The following SLC2A12 variants were observed in gnomAD, a reference collection of about 807,000 sequenced individuals.
The protein encoded by SLC2A12 is solute carrier family 2, facilitated glucose transporter member 12.
SLC2A12 carries 23 observed loss-of-function variants against 41.8 expected under a neutral mutation model. The observed-to-expected ratio is 0.55, with a 90% CI of 0.40 to 0.78. SLC2A12 has a LOEUF of 0.78. Ranked by LOEUF, SLC2A12 falls within the 30% of genes least tolerant of loss-of-function variation. The pLI is 0.00. For missense variants in SLC2A12, 654 were observed against 745.6 expected (o/e 0.88, Z 1.43); for synonymous variants, 295 against 285.9 (o/e 1.03, Z -0.32).
intron 2 of SLC2A12, among the ~76,000 whole-genome samples, chr6:134,013,158 G>C (rs1304761519): frequency 6.6e-6 from 1 of 152,094 alleles, no homozygotes; most frequent in Non-Finnish European, 1.5e-5. Flanking sequence ...GGGCATGGTG[G>C]CTCATGCCTG....
chr6:134,025,541 T>C (rs768860023), intron 2 of SLC2A12, among the ~76,000 whole-genome samples: 3 of 152,154 alleles, frequency 2.0e-5, no homozygotes, highest in African/African-American at 7.2e-5. Flanking sequence ...GCCGACAGAA[T>C]GTTTTCTCTT....
At position 134,029,330 on chromosome 6, in the gene SLC2A12, G is replaced by C. The variant is rs369678921; in HGVS notation, c.495C>G (p.Gly165=). ...TCAGCTCATTCAGTGACACAAGAAG[G>C]CCTCTTCTGTGTTGAGGAGCAATCT... is the stretch of plus-strand genomic sequence containing the variant. ...IAEIAPQHRR[G]LLVSLNELMI... is the part of the protein sequence containing the mutation. The change falls in exon 2 of 5, where the codon GGC becomes GGG. Residue 165 remains glycine, a synonymous_variant. Coordinates refer to ENST00000275230, the MANE Select transcript of SLC2A12 (RefSeq NM_145176.3). 7.9e-5 allele frequency: 128 copies of C among 1,614,052 alleles called. No individual in the cohort carries two copies. Among genetic ancestry groups the C allele is most frequent in the Non-Finnish European group, 9.7e-5 (114 of 1,180,040 alleles).
In SLC2A12 at chr6:134,028,281, T is replaced by C. The variant is rs113990749; in HGVS notation, c.1444+100A>G. The C allele has an allele frequency of 4.3e-5, 62 of 1,441,572 alleles. No individual in the cohort carries two copies. In the African/African-American group the frequency reaches 4.8e-4, roughly 11 times the overall value. The allele number at this position is 1,441,572 out of a possible 1,614,324, so 89.3% of individuals were successfully genotyped here. ...TAGAAGGAACATCAGATGACCAATG[T>C]TATCCTTGTCTTCCTTCTAGCACTT... On this transcript the variant is annotated intron_variant, in intron 2 of 4. Coordinates refer to ENST00000275230, the MANE Select transcript of SLC2A12 (RefSeq NM_145176.3).
chr6:134,032,440 A>ATT (rs1213235814), intron 1 of SLC2A12, among the ~76,000 whole-genome samples: 1 of 38,508 alleles, frequency 2.6e-5, no homozygotes, highest in African/African-American at 1.1e-4. Flanking sequence ...ATATATATAT[A>ATT]TATATATAAA....
intron 4 of SLC2A12, among the ~76,000 whole-genome samples, chr6:133,994,561 A>G (rs1329447376): frequency 6.6e-6 from 1 of 152,124 alleles, no homozygotes; most frequent in African/African-American, 2.4e-5. Context: ...CCCCGTCTCT[A>G]CTAAAAATAC....
chr6:134,008,077 G>A (rs1256007315), intron 2 of SLC2A12, among the ~76,000 whole-genome samples: 1 of 152,224 alleles, frequency 6.6e-6, no homozygotes, highest in Non-Finnish European at 1.5e-5. Flanking sequence ...GATTCACTGT[G>A]TTTCAGAAGA....
At chr6:134,011,763 CA>C (rs1408350152) in intron 2 of SLC2A12, among the ~76,000 whole-genome samples, 3 of 151,920 alleles carry the variant, frequency 2.0e-5, no homozygotes, top group Non-Finnish European at 4.4e-5. Flanking sequence ...AAAAATAGGC[CA>C]GGGGCAGTGG....
At chr6:134,020,024 C>CA (rs550748968) in intron 2 of SLC2A12, among the ~76,000 whole-genome samples, 20,254 of 79,772 alleles carry the variant, frequency 0.25, 1,985 homozygotes, top group South Asian at 0.39. Flanking sequence ...GATTCCATCT[C>CA]AAAAAAAAAA....
chr6:134,034,505 A>G (rs1456643247), intron 1 of SLC2A12, among the ~76,000 whole-genome samples: 1 of 152,214 alleles, frequency 6.6e-6, no homozygotes, highest in East Asian at 1.9e-4. Context: ...CTTCCATCAC[A>G]GGAAGTTTTC....
At chr6:134,031,761 A>G (rs915525960) in intron 1 of SLC2A12, among the ~76,000 whole-genome samples, 6 of 152,210 alleles carry the variant, frequency 3.9e-5, no homozygotes, top group African/African-American at 1.4e-4. Flanking sequence ...AATGTTAAGT[A>G]GGGGATTGGG....
At chr6:134,015,520 A>C (rs1443763943) in intron 2 of SLC2A12, among the ~76,000 whole-genome samples, 1 of 152,224 alleles carries the variant, frequency 6.6e-6, no homozygotes, top group African/African-American at 2.4e-5. Flanking sequence ...TCCTGTTCAA[A>C]AAATAACAAT....
chr6:134,001,757 A>G lies in SLC2A12; in HGVS notation c.1700+240T>C, dbSNP rs75875273. 7.5e-5 allele frequency among the ~76,000 whole-genome samples: 10 copies of G among 132,492 alleles called. No homozygotes were observed. The East Asian group carries it at 1.2e-3, about 16-fold the overall frequency. The allele number at this position is 132,492 out of a possible 152,430, so 86.9% of individuals were successfully genotyped here. ...TCAAATACATTCACTTTGTAGTTTG[A>G]AAAAAAAAAAAAAAGCTTCATTCAT... On this transcript the variant is annotated intron_variant, in intron 4 of 4. Coordinates refer to ENST00000275230, the MANE Select transcript of SLC2A12 (RefSeq NM_145176.3).
chr6:134,012,946 G>A (rs921908101), intron 2 of SLC2A12, among the ~76,000 whole-genome samples: 2 of 152,124 alleles, frequency 1.3e-5, no homozygotes, highest in African/African-American at 2.4e-5. Context: ...TTACACTCCA[G>A]CCTAGGCAAC....
intron 1 of SLC2A12, among the ~76,000 whole-genome samples, chr6:134,036,100 C>T (rs531103241): frequency 5.3e-5 from 8 of 152,294 alleles, no homozygotes; most frequent in South Asian, 4.1e-4. Context: ...ATAATGGGCA[C>T]GCAATAAACA....
chr6:133,992,123 A>G (rs1046858334), intron 4 of SLC2A12, among the ~76,000 whole-genome samples: 1 of 152,314 alleles, frequency 6.6e-6, no homozygotes. Context: ...AACGGTTGGT[A>G]TCTGGAGGGA....
chr6:134,001,916 G>T (rs1345698903), intron 4 of SLC2A12, 81 bp downstream of exon 4: 60 of 1,430,224 alleles, frequency 4.2e-5, no homozygotes, highest in Non-Finnish European at 5.4e-5. Context: ...AATAATTTCA[G>T]ATATTATTCC....
chr6:134,008,401 T>C (rs981559944), intron 2 of SLC2A12, among the ~76,000 whole-genome samples: 1 of 152,232 alleles, frequency 6.6e-6, no homozygotes, highest in African/African-American at 2.4e-5. Flanking sequence ...TTACCTTTCA[T>C]GCATGGAAGA....
chr6:133,995,200 CTTTTG>C (rs757240182), intron 4 of SLC2A12, among the ~76,000 whole-genome samples: 7 of 152,096 alleles, frequency 4.6e-5, no homozygotes, highest in South Asian at 2.1e-4. Flanking sequence ...ACAAAAAGAC[CTTTTG>C]TTTTGTTTTG....
chr6:134,029,937 T>G (rs1302997004), intron 1 of SLC2A12, among the ~76,000 whole-genome samples: 2 of 152,136 alleles, frequency 1.3e-5, no homozygotes, highest in East Asian at 1.9e-4. Context: ...CATGGAGACA[T>G]GTAGGAAGTC....
Sources: allele counts gnomAD v4.1 joint callset (sites outside exome capture counted in the v4.1 genomes callset), GRCh38; gene constraint gnomAD v4.1.1; transcripts MANE v1.5; gene names NCBI Gene and HGNC (gene_info 2026-07-23, HGNC 2026-07-21).